GPC5: variants seen among roughly 807,000 people sequenced by gnomAD.
GPC5 encodes glypican 5, also known as glypican-5.
Under a neutral mutation model 53.9 loss-of-function variants are expected in GPC5, and 47 were observed. The ratio of observed to expected loss-of-function variants is 0.87; its 90% CI spans 0.69 to 1.11. GPC5 has a LOEUF of 1.11. Among genes scored for constraint, GPC5 ranks in the 50% most tolerant of loss-of-function variants. GPC5 has a pLI of 0.00. For synonymous variants in GPC5, 286 were observed against 263.3 expected, an observed-to-expected ratio of 1.09 and a Z score of -0.84; for missense variants, 748 against 713.1, an observed-to-expected ratio of 1.05 and a Z score of -0.56.
chr13:92,540,251 A>C (rs1881891089), intron 7 of GPC5, among the ~76,000 whole-genome samples: 1 of 151,998 alleles, frequency 6.6e-6, no homozygotes, highest in Non-Finnish European at 1.5e-5. Flanking sequence ...AGACAAAGCT[A>C]TTCAGTGCTT....
chr13:91,898,463 C>T (rs1594649703), intron 5 of GPC5, among the ~76,000 whole-genome samples: 2 of 152,276 alleles, frequency 1.3e-5, no homozygotes, highest in South Asian at 4.1e-4. Context: ...GTCACCTCCT[C>T]CTTTTCATTA....
At chr13:91,664,200 G>C (rs139199356) in intron 2 of GPC5, among the ~76,000 whole-genome samples, 162 of 152,252 alleles carry the variant, frequency 1.1e-3, no homozygotes, top group African/African-American at 3.7e-3. Context: ...TATAACATAT[G>C]GTGACATTTG....
chr13:91,792,189 T>C (rs1441871867), intron 5 of GPC5, among the ~76,000 whole-genome samples: 2 of 152,244 alleles, frequency 1.3e-5, no homozygotes, highest in Non-Finnish European at 2.9e-5. Context: ...CCTGTGAAAC[T>C]CTTGGTTACA....
intron 5 of GPC5, among the ~76,000 whole-genome samples, chr13:91,833,086 C>G (rs1240183148): frequency 1.3e-5 from 2 of 152,076 alleles, no homozygotes; most frequent in Admixed American, 1.3e-4. Flanking sequence ...CACAGAAATA[C>G]AAACTACCAT....
intron 7 of GPC5, among the ~76,000 whole-genome samples, chr13:92,794,447 G>A (rs9584064): frequency 0.099 from 15,007 of 152,052 alleles, 864 homozygotes; most frequent in African/African-American, 0.17. Context: ...GGCAAAAACT[G>A]GAAGCATTCC....
At chr13:92,123,253 A>T (rs1252066407) in intron 6 of GPC5, among the ~76,000 whole-genome samples, 2 of 152,108 alleles carry the variant, frequency 1.3e-5, no homozygotes, top group African/African-American at 4.8e-5. Flanking sequence ...TTAAAAAAAA[A>T]AAACTATTTG....
chr13:91,624,564 T>C (rs932501155), intron 2 of GPC5, among the ~76,000 whole-genome samples: 3 of 152,090 alleles, frequency 2.0e-5, no homozygotes, highest in Non-Finnish European at 2.9e-5. Context: ...AATCTATGTA[T>C]AGAAATGTGT....
At chr13:91,444,636 G>A (rs1014445755) in intron 1 of GPC5, among the ~76,000 whole-genome samples, 1 of 152,062 alleles carries the variant, frequency 6.6e-6, no homozygotes, top group East Asian at 1.9e-4. Context: ...TGCACTTTGG[G>A]CTAGACTTTC....
chr13:92,002,317 T>C (rs1289351145), intron 6 of GPC5, among the ~76,000 whole-genome samples: 1 of 152,206 alleles, frequency 6.6e-6, no homozygotes, highest in African/African-American at 2.4e-5. Flanking sequence ...CTGCCCAGTC[T>C]AAGATAATCC....
At chr13:92,286,992 A>G (rs2042960300) in intron 7 of GPC5, among the ~76,000 whole-genome samples, 1 of 152,216 alleles carries the variant, frequency 6.6e-6, no homozygotes, top group South Asian at 2.1e-4. Context: ...AGAGGCCCTC[A>G]GAAGAAACCA....
chr13:92,271,399 A>T lies in GPC5; in HGVS notation c.1561+126410A>T, dbSNP rs578127019. Among the ~76,000 whole-genome samples, 17 of 152,318 alleles carry T rather than the reference A, an allele frequency of 1.1e-4. No homozygotes were observed. The East Asian group carries it at 3.1e-3, about 28-fold the overall frequency. ...TTCTAACTCCACCCTTTTATGGCTT[A>T]TACCTTACTTGTTAATGCCCTTGGG... On this transcript the variant is annotated intron_variant, in intron 7 of 7. Transcript: ENST00000377067.
chr13:91,743,251 T>A (rs2036975282), intron 4 of GPC5, among the ~76,000 whole-genome samples: 1 of 152,178 alleles, frequency 6.6e-6, no homozygotes, highest in Non-Finnish European at 1.5e-5. Flanking sequence ...CAATTTTTTT[T>A]ACTGAACTTC....
At chr13:92,769,511 G>A (rs1412498467) in intron 7 of GPC5, among the ~76,000 whole-genome samples, 2 of 151,954 alleles carry the variant, frequency 1.3e-5, no homozygotes. Context: ...GGAAAAGAAG[G>A]GGGATTGTCT....
At chr13:91,454,900 C>T (rs1207009487) in intron 2 of GPC5, among the ~76,000 whole-genome samples, 1 of 151,978 alleles carries the variant, frequency 6.6e-6, no homozygotes, top group African/African-American at 2.4e-5. Context: ...GGGACTACAG[C>T]CATGCTTATA....
intron 7 of GPC5, among the ~76,000 whole-genome samples, chr13:92,681,042 TC>T (rs2139222072): frequency 6.6e-6 from 1 of 151,802 alleles, no homozygotes; most frequent in South Asian, 2.1e-4. Flanking sequence ...CTCCACCCTT[TC>T]CCCTGTTGCT....
At chr13:91,735,413 T>A (rs2036793657) in intron 4 of GPC5, among the ~76,000 whole-genome samples, 1 of 151,242 alleles carries the variant, frequency 6.6e-6, no homozygotes, top group Non-Finnish European at 1.5e-5. Context: ...TATCGTCTGT[T>A]AATAAGTCAG....
At chr13:92,547,448 A>AG (rs1882158432) in intron 7 of GPC5, among the ~76,000 whole-genome samples, 1 of 152,198 alleles carries the variant, frequency 6.6e-6, no homozygotes. Context: ...TGACTTAGTC[A>AG]CTGGAGGCAG....
In GPC5 at chr13:91,658,163, A is replaced by G. The variant is rs79966158; in HGVS notation, c.326-35024A>G. ...GCACATTGAAAGGGAAAAAAATCAG[A>G]TCTGAAAGCAAAACTTGATTTAGTT... On this transcript the variant is annotated intron_variant, in intron 2 of 7. Transcript: ENST00000377067. 5.4e-3 allele frequency among the ~76,000 whole-genome samples: 817 copies of G among 152,276 alleles called. 12 individuals carry two copies. Among genetic ancestry groups the G allele is most frequent in the African/African-American group, 0.019 (779 of 41,576 alleles).
At chr13:92,276,307 T>C (rs1360733726) in intron 7 of GPC5, among the ~76,000 whole-genome samples, 2 of 152,152 alleles carry the variant, frequency 1.3e-5, no homozygotes, top group Admixed American at 1.3e-4. Context: ...TGATCCACAG[T>C]GCACCTAATC....
Sources: gnomAD v4.1 joint callset for allele counts (sites outside exome capture counted in the v4.1 genomes callset) on GRCh38, gnomAD v4.1.1 for gene constraint, MANE v1.5 for transcripts, NCBI Gene and HGNC (gene_info 2026-07-23, HGNC 2026-07-21) for gene names.